The following ZNF57 variants were observed in gnomAD, a reference collection of about 807,000 sequenced individuals.
The protein encoded by ZNF57 is zinc finger protein 424.
Under a neutral mutation model 13.4 loss-of-function variants are expected in ZNF57, and 11 were observed. The ratio of observed to expected loss-of-function variants is 0.82; its 90% CI spans 0.52 to 1.36. ZNF57 has a LOEUF of 1.36. Ranked by LOEUF, ZNF57 falls within the 40% of genes most tolerant of loss-of-function variation. ZNF57 has a pLI of 0.00. For synonymous variants in ZNF57, 224 were observed against 238.5 expected (o/e 0.94, Z 0.56); for missense variants, 696 against 667.5 (o/e 1.04, Z -0.47).
intron 1 of ZNF57, among the ~76,000 whole-genome samples, chr19:2,904,901 G>A (rs144723085): frequency 9.2e-5 from 14 of 152,212 alleles, no homozygotes; most frequent in East Asian, 7.7e-4. Context: ...ATGCCTGGAC[G>A]TTGTAAGAAC....
chr19:2,909,313 C>G (rs1334959173), intron 1 of ZNF57, among the ~76,000 whole-genome samples: 2 of 86,496 alleles, frequency 2.3e-5, no homozygotes, highest in African/African-American at 7.9e-5. Flanking sequence ...CAGAGTCTCG[C>G]TCTGTCGCCC....
At chr19:2,915,385 G>C in intron 1 of ZNF57, 137 bp from the exon 2 acceptor site, 5 of 1,193,848 alleles carry the variant, frequency 4.2e-6, no homozygotes, top group Non-Finnish European at 5.9e-6. Context: ...TTGTGAATAA[G>C]TAAAAGATCT....
intron 3 of ZNF57, 155 bp from the exon 4 acceptor site, chr19:2,916,769 C>T (rs1462814838): frequency 3.5e-6 from 2 of 575,730 alleles, no homozygotes; most frequent in Non-Finnish European, 5.8e-6. Flanking sequence ...ATAATAAATA[C>T]TGCATTAAAA....
At chr19:2,906,120 C>T (rs879513882) in intron 1 of ZNF57, among the ~76,000 whole-genome samples, 4 of 152,164 alleles carry the variant, frequency 2.6e-5, no homozygotes, top group African/African-American at 4.8e-5. Context: ...GTGATGCAAT[C>T]ATGGCTCACT....
At chr19:2,911,898 A>C (rs10413382) in intron 1 of ZNF57, among the ~76,000 whole-genome samples, 1 of 151,936 alleles carries the variant, frequency 6.6e-6, no homozygotes, top group Non-Finnish European at 1.5e-5. Context: ...TCACCTGTTA[A>C]TCATACTTGT....
rs869237262 is a variant in ZNF57 at position 2,905,406 on chromosome 19, CG to C, written c.3+4359del. Among the ~76,000 whole-genome samples, 14 of 4,456 alleles carry C rather than the reference CG, an allele frequency of 3.1e-3. 5 individuals are homozygous for C. Among genetic ancestry groups the C allele is most frequent in the Non-Finnish European group, 5.3e-3 (4 of 748 alleles). 2.9% of individuals were successfully genotyped at this position (4,456 alleles called of 152,430 possible). ...TCTCGAACTCTTGACTTCAGGTGAT[CG>C]CCCCCCCCCCCTCGGCATTCCAAAG... On this transcript the variant is annotated intron_variant, in intron 1 of 3. Coordinates refer to ENST00000306908, the MANE Select transcript of ZNF57 (RefSeq NM_173480.3).
chr19:2,901,562 C>T (rs1031065000), intron 1 of ZNF57, among the ~76,000 whole-genome samples: 1 of 152,044 alleles, frequency 6.6e-6, no homozygotes, highest in East Asian at 1.9e-4. Flanking sequence ...CGCTCTGTCG[C>T]CAGGCTGGAG....
intron 1 of ZNF57, 140 bp from the exon 2 acceptor site, chr19:2,915,382 T>A (rs2088181263): frequency 7.0e-6 from 8 of 1,147,146 alleles, no homozygotes; most frequent in Non-Finnish European, 9.8e-6. Context: ...TGATTGTGAA[T>A]AAGTAAAAGA....
At chr19:2,911,447 C>A (rs2088134795) in intron 1 of ZNF57, among the ~76,000 whole-genome samples, 1 of 151,968 alleles carries the variant, frequency 6.6e-6, no homozygotes, top group Admixed American at 6.6e-5. Context: ...GCGGGAGAAT[C>A]TCCTGAACCC....
intron 2 of ZNF57, 58 bp downstream of exon 2, chr19:2,915,706 G>A: frequency 6.2e-6 from 10 of 1,611,434 alleles, no homozygotes; most frequent in Non-Finnish European, 8.5e-6. Flanking sequence ...TTTCTCATCA[G>A]TTCTGTTGCA....
intron 1 of ZNF57, among the ~76,000 whole-genome samples, chr19:2,904,923 T>C (rs1476602273): frequency 6.6e-6 from 1 of 152,194 alleles, no homozygotes; most frequent in African/African-American, 2.4e-5. Flanking sequence ...AACTTCTGAA[T>C]GGGCTCTGCT....
chr19:2,903,187 T>G (rs73525613), intron 1 of ZNF57, among the ~76,000 whole-genome samples: 4,545 of 152,270 alleles, frequency 0.03, 100 homozygotes, highest in Middle Eastern at 0.1. Context: ...CTTGGAGCCG[T>G]TTCTAAGCAG....
intron 1 of ZNF57, among the ~76,000 whole-genome samples, chr19:2,906,868 A>G (rs748222918): frequency 2.0e-5 from 3 of 152,170 alleles, no homozygotes; most frequent in Non-Finnish European, 2.9e-5. Context: ...CTCCGGGCAG[A>G]GAGGCACAGG....
chr19:2,911,358 C>G (rs1273953322), intron 1 of ZNF57, among the ~76,000 whole-genome samples: 1 of 152,022 alleles, frequency 6.6e-6, no homozygotes, highest in Non-Finnish European at 1.5e-5. Context: ...TGGTGAAACC[C>G]TGTCTCTACA....
intron 1 of ZNF57, among the ~76,000 whole-genome samples, chr19:2,909,013 C>G (rs1006990473): frequency 6.6e-6 from 1 of 151,956 alleles, no homozygotes; most frequent in African/African-American, 2.4e-5. Context: ...CAGGGTCATT[C>G]ATGTTTTAGC....
Position 2,918,313 on chromosome 19 carries a change from G to A in ZNF57, c.*24G>A. 6.4e-7 allele frequency: 1 copy of A among 1,551,370 alleles called. No homozygotes were observed. Among genetic ancestry groups the A allele is most frequent in the African/African-American group, 1.4e-5 (1 of 72,808 alleles). ...AAAGAGAAATTCTATAACTTTAATGGGGTAACCTCACATTAATTCATGTAT... is the reference window on the plus strand; with the variant it reads ...AAAGAGAAATTCTATAACTTTAATGAGGTAACCTCACATTAATTCATGTAT... On this transcript the variant is annotated 3_prime_UTR_variant, in exon 4 of 4. Transcript: ENST00000306908.
intron 1 of ZNF57, among the ~76,000 whole-genome samples, chr19:2,904,506 CAA>C (rs994155022): frequency 3.9e-5 from 6 of 152,006 alleles, no homozygotes; most frequent in African/African-American, 1.4e-4. Context: ...CACACCCAGC[CAA>C]AGTTTTTTTT....
At position 2,911,515 on chromosome 19, in the gene ZNF57, A is replaced by G. The variant is rs1040573179; in HGVS notation, c.4-4007A>G. Among the ~76,000 whole-genome samples the G allele has an allele frequency of 6.0e-5, 9 of 149,416 alleles. No individual in the cohort carries two copies. The Admixed American group carries it at 6.1e-4, about 10-fold the overall frequency. ...GTCATCGCACTCCAGCCTGGGCGAC[A>G]GAGGGAGAGTCTGTCTCAAAAACAA... On this transcript the variant is annotated intron_variant, in intron 1 of 3. Coordinates refer to ENST00000306908, the MANE Select transcript of ZNF57 (RefSeq NM_173480.3).
intron 1 of ZNF57, among the ~76,000 whole-genome samples, chr19:2,904,615 C>T (rs1346277000): frequency 1.3e-5 from 2 of 152,160 alleles, no homozygotes; most frequent in Middle Eastern, 3.2e-3. Flanking sequence ...CATCTCGGCT[C>T]ACTGCAACCT....
Sources: allele counts gnomAD v4.1 joint callset (sites outside exome capture counted in the v4.1 genomes callset), GRCh38; gene constraint gnomAD v4.1.1; transcripts MANE v1.5; gene names NCBI Gene and HGNC (gene_info 2026-07-23, HGNC 2026-07-21).